The following PPM1L variants were observed in gnomAD, a reference collection of about 807,000 sequenced individuals.
The protein encoded by PPM1L is protein phosphatase, Mg2+/Mn2+ dependent 1L, also known as protein phosphatase 1L.
A neutral mutation model predicts 31.4 loss-of-function variants in PPM1L; 13 were observed. That is an observed-to-expected ratio of 0.41 (90% CI 0.27 to 0.66). The LOEUF (loss-of-function observed/expected upper bound fraction) is 0.66, where lower values mean the gene tolerates loss of function less well. Ranked by LOEUF, PPM1L falls within the 30% of genes least tolerant of loss-of-function variation. The pLI is 0.29. For synonymous variants in PPM1L, 184 were observed against 175.4 expected, an observed-to-expected ratio of 1.05 and a Z score of -0.39; for missense variants, 326 against 453.7, an observed-to-expected ratio of 0.72 and a Z score of 2.56.
intron 2 of PPM1L, among the ~76,000 whole-genome samples, chr3:161,023,717 G>T (rs895609201): frequency 2.0e-5 from 3 of 151,842 alleles, no homozygotes; most frequent in Non-Finnish European, 2.9e-5. Flanking sequence ...TTTTTTTCTT[G>T]AAAGTCTAAC....
At position 161,069,230 on chromosome 3, in the gene PPM1L, G is replaced by T. The variant is rs1719838000; in HGVS notation, c.*73G>T. ...CTGGTCTCTTTTAATTTAGTGAAAA[G>T]TGTGGGAGTTGTAATTAGGATCATC... On this transcript the variant is annotated 3_prime_UTR_variant, in exon 4 of 4. Transcript: ENST00000498165. 2 of 1,168,210 alleles carry T rather than the reference G, an allele frequency of 1.7e-6. No homozygotes were observed. Among genetic ancestry groups the T allele is most frequent in the East Asian group, 5.0e-5 (2 of 39,866 alleles). 72.4% of individuals were successfully genotyped at this position (1,168,210 alleles called of 1,614,324 possible). A position where few individuals can be genotyped will look rare whatever the true frequency, so the allele number is the denominator to read the frequency against.
At chr3:161,012,874 C>A (rs1432318192) in intron 2 of PPM1L, among the ~76,000 whole-genome samples, 1 of 152,042 alleles carries the variant, frequency 6.6e-6, no homozygotes, top group Non-Finnish European at 1.5e-5. Context: ...TCCCCTTTAT[C>A]ATTTTTTATT....
chr3:161,033,575 AAAAC>A (rs1295357983), intron 2 of PPM1L, among the ~76,000 whole-genome samples: 1 of 152,220 alleles, frequency 6.6e-6, no homozygotes, highest in African/African-American at 2.4e-5. Context: ...AAAGCTGACA[AAAAC>A]AAGCAATGGG....
intron 1 of PPM1L, among the ~76,000 whole-genome samples, chr3:160,841,721 A>G (rs1713885854): frequency 6.6e-6 from 1 of 152,282 alleles, no homozygotes; most frequent in African/African-American, 2.4e-5. Context: ...GGTGCAAATA[A>G]CTTTGTCTCC....
intron 1 of PPM1L, chr3:160,842,387 G>A (rs1049376108): frequency 1.6e-5 from 11 of 688,970 alleles, no homozygotes; most frequent in Non-Finnish European, 2.9e-5. Context: ...ATTCAAATTG[G>A]GAGGGGCTTT....
intron 2 of PPM1L, among the ~76,000 whole-genome samples, chr3:161,039,888 C>A (rs189738232): frequency 1.3e-5 from 2 of 152,290 alleles, no homozygotes; most frequent in African/African-American, 2.4e-5. Context: ...ATTGAAAGAA[C>A]CTGCTTCCCA....
At chr3:160,772,282 C>T (rs1715278730) in intron 1 of PPM1L, among the ~76,000 whole-genome samples, 1 of 152,118 alleles carries the variant, frequency 6.6e-6, no homozygotes, top group Non-Finnish European at 1.5e-5. Flanking sequence ...GTAATGCAAA[C>T]AGATTTAGAC....
intron 2 of PPM1L, among the ~76,000 whole-genome samples, chr3:161,012,563 C>G (rs949156951): frequency 4.0e-5 from 6 of 151,564 alleles, no homozygotes; most frequent in Non-Finnish European, 8.8e-5. Flanking sequence ...CCCTCTTTTT[C>G]TATTGATTGG....
chr3:160,798,018 CA>C (rs1409870594), intron 1 of PPM1L, among the ~76,000 whole-genome samples: 2 of 151,914 alleles, frequency 1.3e-5, no homozygotes, highest in African/African-American at 4.8e-5. Flanking sequence ...TCTCTACTAA[CA>C]ATACAAAAAT....
chr3:160,948,198 T>C (rs1024749453), intron 1 of PPM1L, among the ~76,000 whole-genome samples: 4 of 152,226 alleles, frequency 2.6e-5, no homozygotes, highest in Non-Finnish European at 5.9e-5. Context: ...TATATTTTTC[T>C]CTGTAAGGTT....
intron 1 of PPM1L, among the ~76,000 whole-genome samples, chr3:160,955,243 T>G (rs892268912): frequency 2.6e-5 from 4 of 152,080 alleles, no homozygotes; most frequent in African/African-American, 9.7e-5. Flanking sequence ...TCTCTTGACC[T>G]CGTGATTACT....
intron 2 of PPM1L, among the ~76,000 whole-genome samples, chr3:161,059,582 T>C (rs2108105420): frequency 6.6e-6 from 1 of 152,284 alleles, no homozygotes; most frequent in African/African-American, 2.4e-5. Flanking sequence ...TTAGCCTATG[T>C]TGGGTGCTTT....
At chr3:160,812,226 C>T (rs983939186) in intron 1 of PPM1L, among the ~76,000 whole-genome samples, 2 of 152,208 alleles carry the variant, frequency 1.3e-5, no homozygotes, top group African/African-American at 4.8e-5. Context: ...TCTTTCTCCC[C>T]TTTTCCCACC....
chr3:160,764,255 A>C (rs9812391), intron 1 of PPM1L, among the ~76,000 whole-genome samples: 114,077 of 152,156 alleles, frequency 0.75, 44,173 homozygotes, highest in East Asian at 1. Context: ...CCTCAGCCTC[A>C]TGAATAGCTG....
chr3:160,761,251 T>C (rs1404079992), intron 1 of PPM1L, among the ~76,000 whole-genome samples: 1 of 152,230 alleles, frequency 6.6e-6, no homozygotes, highest in Non-Finnish European at 1.5e-5. Flanking sequence ...CATCTAGCTC[T>C]GCAAGGAACT....
At chr3:161,008,325 T>G (rs765603757) in intron 2 of PPM1L, among the ~76,000 whole-genome samples, 59 of 152,228 alleles carry the variant, frequency 3.9e-4, no homozygotes, top group Non-Finnish European at 1.2e-4. Flanking sequence ...CAGACAAGCC[T>G]TGCAGGGTTT....
At chr3:160,953,684 A>C (rs1384680381) in intron 1 of PPM1L, among the ~76,000 whole-genome samples, 18 of 152,206 alleles carry the variant, frequency 1.2e-4, no homozygotes, top group Admixed American at 1.2e-3. Flanking sequence ...AAACTTGCAA[A>C]TAAGTTTAAT....
At chr3:160,834,527 C>T (rs1302973461) in intron 1 of PPM1L, among the ~76,000 whole-genome samples, 3 of 147,026 alleles carry the variant, frequency 2.0e-5, no homozygotes, top group African/African-American at 7.5e-5. Flanking sequence ...GTGTGTAGTT[C>T]CATCACCACA....
rs2108119878 is a variant in PPM1L at position 161,076,252 on chromosome 3, T to A, written c.*7095T>A. 1 of 152,340 alleles carries A rather than the reference T, an allele frequency of 6.6e-6. No individual in the cohort carries two copies. The highest frequency in any genetic ancestry group is 2.4e-5 in the African/African-American group (1 of 41,586). The allele number at this position is 152,340 out of a possible 1,614,324, so 9.4% of individuals were successfully genotyped here. A position where few individuals can be genotyped will look rare whatever the true frequency, so the allele number is the denominator to read the frequency against. On this transcript the variant is annotated 3_prime_UTR_variant, in exon 4 of 4. Coordinates refer to ENST00000498165, the MANE Select transcript of PPM1L (RefSeq NM_139245.4). ...CTTTTAAATTCCCATTTGTCTATCT[T>A]AGGACAAATGATGACTTCTTCGTGT...
Sources: gnomAD v4.1 joint callset for allele counts (sites outside exome capture counted in the v4.1 genomes callset) on GRCh38, gnomAD v4.1.1 for gene constraint, MANE v1.5 for transcripts, NCBI Gene and HGNC (gene_info 2026-07-23, HGNC 2026-07-21) for gene names.